The following RELN variants were observed in gnomAD, a reference collection of about 807,000 sequenced individuals.
RELN encodes the protein reelin.
Under a neutral mutation model 427.6 loss-of-function variants are expected in RELN, and 108 were observed. The observed-to-expected ratio is 0.25, with a 90% confidence interval of 0.22 to 0.30. The LOEUF (loss-of-function observed/expected upper bound fraction) is 0.30, where lower values mean the gene tolerates loss of function less well. RELN is among the 10% of genes least tolerant of loss of function. The pLI is 1.00. For synonymous variants in RELN, 1,524 were observed against 1,513.4 expected, an observed-to-expected ratio of 1.01 and a Z score of -0.16; for missense variants, 3,715 against 4,302.8, an observed-to-expected ratio of 0.86 and a Z score of 3.82.
At chr7:103,544,040 G>A (rs1278269470) in intron 42 of RELN, among the ~76,000 whole-genome samples, 1 of 151,942 alleles carries the variant, frequency 6.6e-6, no homozygotes, top group African/African-American at 2.4e-5. Flanking sequence ...TTTGTGTCTG[G>A]CTTCTTTCAT....
chr7:103,904,373 T>C (rs1275680965), intron 2 of RELN, among the ~76,000 whole-genome samples: 2 of 152,164 alleles, frequency 1.3e-5, no homozygotes, highest in Admixed American at 6.6e-5. Context: ...ACATATCCAG[T>C]AATGGGATTG....
rs118084031 is a variant in RELN, at chr7:103,944,941, C to T, written c.227-27756G>A. On this transcript the variant is annotated intron_variant, in intron 1 of 64. Transcript: ENST00000428762. ...GACTTTGAAGGAAGAGTCTGTCATG[C>T]TTGCTCCCTGAGAAGTAAAAAATCC... is the stretch of plus-strand genomic sequence containing the variant. Among the ~76,000 whole-genome samples, 67 of 152,222 alleles carry T rather than the reference C, an allele frequency of 4.4e-4. 1 individual carries two copies. In the East Asian group the frequency reaches 0.013, roughly 29 times the overall value.
chr7:103,716,078 T>C (rs1789932244), intron 8 of RELN, among the ~76,000 whole-genome samples: 1 of 152,192 alleles, frequency 6.6e-6, no homozygotes, highest in African/African-American at 2.4e-5. Flanking sequence ...TCCCCAGTTC[T>C]TAGCAGGGCT....
At chr7:103,498,493 T>A (rs897306487) in intron 53 of RELN, among the ~76,000 whole-genome samples, 4 of 119,114 alleles carry the variant, frequency 3.4e-5, no homozygotes, top group Non-Finnish European at 6.4e-5. Context: ...AAGTTGACTA[T>A]ATCAATTTTT....
intron 20 of RELN, among the ~76,000 whole-genome samples, chr7:103,614,522 C>T (rs1832036325): frequency 6.6e-6 from 1 of 152,216 alleles, no homozygotes; most frequent in African/African-American, 2.4e-5. Context: ...GGGGCAGCAG[C>T]CATCTTGTGA....
At chr7:103,562,862 T>C (rs758460890) in intron 34 of RELN, among the ~76,000 whole-genome samples, 1 of 152,240 alleles carries the variant, frequency 6.6e-6, no homozygotes, top group Admixed American at 6.5e-5. Flanking sequence ...ATGACATACA[T>C]GGCTCCTCCA....
At chr7:103,537,731 C>T (rs1187743330) in intron 45 of RELN, among the ~76,000 whole-genome samples, 1 of 152,166 alleles carries the variant, frequency 6.6e-6, no homozygotes, top group African/African-American at 2.4e-5. Context: ...CCACTAGATG[C>T]AGACCAAGAC....
chr7:103,955,153 T>A (rs1796408218), intron 1 of RELN, among the ~76,000 whole-genome samples: 1 of 152,160 alleles, frequency 6.6e-6, no homozygotes, highest in African/African-American at 2.4e-5. Context: ...TAAACGAAAA[T>A]CATAAGTTAA....
chr7:103,806,240 A>T (rs1364745405), intron 3 of RELN, among the ~76,000 whole-genome samples: 1 of 152,186 alleles, frequency 6.6e-6, no homozygotes, highest in African/African-American at 2.4e-5. Flanking sequence ...ATTATTGGGG[A>T]GAGGGACTTC....
intron 2 of RELN, among the ~76,000 whole-genome samples, chr7:103,874,647 C>T (rs964119875): frequency 4.7e-5 from 7 of 147,472 alleles, no homozygotes; most frequent in Non-Finnish European, 1.1e-4. Flanking sequence ...ATCCAACTTA[C>T]AAGGGATGTG....
intron 8 of RELN, among the ~76,000 whole-genome samples, chr7:103,702,268 A>G (rs1159344078): frequency 6.6e-6 from 1 of 152,222 alleles, no homozygotes; most frequent in East Asian, 1.9e-4. Flanking sequence ...ACAAACTTCA[A>G]TACAAACAAG....
At position 103,519,424 on chromosome 7, in the gene RELN, T is replaced by C. The variant is rs1297966479; in HGVS notation, c.7761A>G (p.Pro2587=). 1 of 1,613,638 alleles carries C rather than the reference T, an allele frequency of 6.2e-7. No homozygotes were observed. Among genetic ancestry groups the C allele is most frequent in the African/African-American group, 1.3e-5 (1 of 74,916 alleles). Residue 2587 remains proline (P), a synonymous_variant, in exon 49 of 65, where the codon CCA becomes CCG. Coordinates refer to ENST00000428762, the MANE Select transcript of RELN (RefSeq NM_005045.4). ...FYFMYGCLIT[P]NNRNQGVLLE... ...AGAGAACACCTTGGTTACGGTTGTTTGGTGTAATCAGGCACCCATACATGA... is the reference window on the plus strand; with the variant it reads ...AGAGAACACCTTGGTTACGGTTGTTCGGTGTAATCAGGCACCCATACATGA...
intron 4 of RELN, among the ~76,000 whole-genome samples, chr7:103,759,190 CA>C (rs1791234903): frequency 6.6e-6 from 1 of 151,898 alleles, no homozygotes; most frequent in African/African-American, 2.4e-5. Context: ...CATAAGCTAG[CA>C]AAAGAAAGAG....
At chr7:103,520,966 T>TTG (rs1829690851) in intron 48 of RELN, among the ~76,000 whole-genome samples, 1 of 113,154 alleles carries the variant, frequency 8.8e-6, no homozygotes, top group African/African-American at 3.2e-5. Context: ...TATTTTTTTT[T>TTG]TTTTTTTTTT....
intron 2 of RELN, among the ~76,000 whole-genome samples, chr7:103,851,742 C>T (rs890989098): frequency 6.6e-6 from 1 of 152,202 alleles, no homozygotes; most frequent in East Asian, 1.9e-4. Flanking sequence ...AGGCAACATA[C>T]ATACCTCTTG....
intron 1 of RELN, among the ~76,000 whole-genome samples, chr7:103,967,713 C>G (rs1163479897): frequency 6.6e-6 from 1 of 152,234 alleles, no homozygotes; most frequent in East Asian, 1.9e-4. Flanking sequence ...TCCAGCAGAG[C>G]TGTTCTGCTC....
rs115574075 is a variant in RELN at position 103,944,825 on chromosome 7, G to A, written c.227-27640C>T. Reference sequence around the variant, plus strand: ...CACTGAAAATCCTGACACTGGCTACGCTTTGGGTGTTTGATATGGCCCCAG... The same window carrying A: ...CACTGAAAATCCTGACACTGGCTACACTTTGGGTGTTTGATATGGCCCCAG... On this transcript the variant is annotated intron_variant, in intron 1 of 64. Coordinates refer to ENST00000428762, the MANE Select transcript of RELN (RefSeq NM_005045.4). Among the ~76,000 whole-genome samples, 840 of 152,196 alleles carry A rather than the reference G, an allele frequency of 5.5e-3. 5 individuals are homozygous for A. Among genetic ancestry groups the A allele is most frequent in the African/African-American group, 0.019 (788 of 41,538 alleles).
intron 2 of RELN, among the ~76,000 whole-genome samples, chr7:103,883,539 G>A (rs943685741): frequency 4.6e-5 from 7 of 152,170 alleles, no homozygotes; most frequent in South Asian, 2.1e-4. Context: ...AAACCCCATC[G>A]ACTCAGCCCA....
intron 2 of RELN, among the ~76,000 whole-genome samples, chr7:103,895,669 T>C (rs1243611544): frequency 1.3e-5 from 2 of 152,016 alleles, no homozygotes; most frequent in Non-Finnish European, 2.9e-5. Flanking sequence ...ACATTGTGTA[T>C]CAACTCTAGT....
Sources: allele counts gnomAD v4.1 joint callset (sites outside exome capture counted in the v4.1 genomes callset), GRCh38; gene constraint gnomAD v4.1.1; transcripts MANE v1.5; gene names NCBI Gene and HGNC (gene_info 2026-07-23, HGNC 2026-07-21).